Variants in UBE2T observed in about 807,000 individuals in gnomAD.
The protein encoded by UBE2T is ubiquitin conjugating enzyme E2 T, also known as ubiquitin-conjugating enzyme E2 T.
A neutral mutation model predicts 23.3 loss-of-function variants in UBE2T; 15 were observed. That is an observed-to-expected ratio of 0.64 (90% CI 0.43 to 0.99). UBE2T has a LOEUF of 0.99. Among genes scored for constraint, UBE2T ranks in the 50% least tolerant of loss-of-function variants. The pLI is 0.00. For missense variants in UBE2T, 197 were observed against 234.9 expected, an observed-to-expected ratio of 0.84 and a Z score of 1.05; for synonymous variants, 67 against 78.4, an observed-to-expected ratio of 0.85 and a Z score of 0.77.
chr1:202,335,149 G>T lies in UBE2T; in HGVS notation c.110-91C>A. The stretch of plus-strand genomic sequence containing the variant: ...GCTAATGAGGTCTATGGTCCTAATA[G>T]AGAAACTAGGCCTAGGACAATAATT... On this transcript the variant is annotated intron_variant, in intron 2 of 6. Coordinates refer to ENST00000646651, the MANE Select transcript of UBE2T (RefSeq NM_014176.4). The surrounding 1 kb of genome is among the most constrained non-coding windows in gnomAD (Gnocchi z 4.0). 1 of 1,016,310 alleles carries T rather than the reference G, an allele frequency of 9.8e-7. No individual in the cohort carries two copies. The allele number at this position is 1,016,310 out of a possible 1,614,324, so 63.0% of individuals were successfully genotyped here.
In UBE2T at chr1:202,335,820, T is replaced by C. The variant is rs1654870298; in HGVS notation, c.-64-2A>G. 1 of 1,451,400 alleles carries C rather than the reference T, an allele frequency of 6.9e-7. No individual in the cohort carries two copies. The highest frequency in any genetic ancestry group is 1.8e-5 in the Admixed American group (1 of 57,088). The allele number at this position is 1,451,400 out of a possible 1,614,324, so 89.9% of individuals were successfully genotyped here. A position where few individuals can be genotyped will look rare whatever the true frequency, so the allele number is the denominator to read the frequency against. ...ACACTAAGAGCTGCCTGGGATGCAC[T>C]GGAGGAGAAAAGAGGTGACCATAAA... On this transcript the variant is annotated splice_acceptor_variant, in intron 1 of 6. Coordinates refer to ENST00000646651, the MANE Select transcript of UBE2T (RefSeq NM_014176.4). LOFTEE classifies it low-confidence loss of function (5UTR_SPLICE). The surrounding 1 kb of genome is among the most constrained non-coding windows in gnomAD (Gnocchi z 4.0).
At chr1:202,332,929 A>AAAAAAAAAAAACAAAAAAAAAC (rs762338421) in intron 6 of UBE2T, 81 bp downstream of exon 6, 1 of 458,934 alleles carries the variant, frequency 2.2e-6, no homozygotes, top group Non-Finnish European at 3.1e-6. Flanking sequence ...AAAAAAAAAA[A>AAAAAAAAAAAACAAAAAAAAAC]AAAAAAAAAA....
rs1474483572 is a variant in UBE2T, at chr1:202,338,221, T to A, written c.-64-2403A>T. 3.9e-5 allele frequency among the ~76,000 whole-genome samples: 6 copies of A among 152,046 alleles called. No homozygotes were observed. The East Asian group carries it at 1.2e-3, about 29-fold the overall frequency. On this transcript the variant is annotated intron_variant, in intron 1 of 6. Coordinates refer to ENST00000646651, the MANE Select transcript of UBE2T (RefSeq NM_014176.4). Reference sequence around the variant, plus strand: ...ACTGATACATGTAAATCTAATTGATTTTTTTTTATTTTTTTGAGATGGAGT... The same window carrying A: ...ACTGATACATGTAAATCTAATTGATATTTTTTTATTTTTTTGAGATGGAGT...
chr1:202,333,426 G>A, intron 4 of UBE2T, 24 bp downstream of exon 4: 1 of 1,613,426 alleles, frequency 6.2e-7, no homozygotes, highest in East Asian at 2.2e-5. Flanking sequence ...ATGCTGTAGA[G>A]TCAACCATTT....
At chr1:202,339,130 T>C (rs1267553546) in intron 1 of UBE2T, among the ~76,000 whole-genome samples, 1 of 148,358 alleles carries the variant, frequency 6.7e-6, no homozygotes, top group Non-Finnish European at 1.5e-5. Context: ...CAAGAGATAA[T>C]TTGTTACTAG....
At chr1:202,332,069 AAT>A in intron 6 of UBE2T, 109 bp from the exon 7 acceptor site, 2 of 1,403,970 alleles carry the variant, frequency 1.4e-6, no homozygotes, top group South Asian at 2.7e-5. Flanking sequence ...GCAAGATTTA[AAT>A]ACAGTATTAT....
chr1:202,333,196 A>T, intron 5 of UBE2T, 41 bp downstream of exon 5: 5 of 1,611,458 alleles, frequency 3.1e-6, no homozygotes, highest in Non-Finnish European at 4.2e-6. Context: ...CGGTATAGAC[A>T]AGGTAGGATA....
rs760716803 is a variant in UBE2T at position 202,331,906 on chromosome 1, G to A, written c.523C>T (p.His175Tyr). Residue 175 changes from histidine to tyrosine, a missense_variant, in exon 7 of 7, where the codon CAC becomes TAC. Physicochemically the swap from His to Tyr is moderately conservative, Grantham distance 83. Coordinates refer to ENST00000646651, the MANE Select transcript of UBE2T (RefSeq NM_014176.4). ...NLPEAGDSRV[H>Y]NSTQKRKASQ... ...GCCTTCCTTTTCTGTGTTGAGTTGT[G>A]TACTCTGGAGTCACCAGCCTCTGGT... is the stretch of plus-strand genomic sequence containing the variant. 4 of 1,614,032 alleles carry A rather than the reference G, an allele frequency of 2.5e-6. No individual in the cohort carries two copies. Among genetic ancestry groups the A allele is most frequent in the East Asian group, 2.2e-5 (1 of 44,860 alleles).
chr1:202,333,174 A>C (rs1654804152), intron 5 of UBE2T, 63 bp downstream of exon 5: 4 of 1,604,952 alleles, frequency 2.5e-6, no homozygotes, highest in African/African-American at 2.7e-5. Flanking sequence ...ATCCTCACAC[A>C]GGGAGAGTTA....
chr1:202,334,618 T>TA (rs577635936), intron 3 of UBE2T, among the ~76,000 whole-genome samples: 11 of 152,230 alleles, frequency 7.2e-5, no homozygotes, highest in Non-Finnish European at 1.6e-4. Context: ...AATGGGGAGT[T>TA]AGAGTTTAAT....
At chr1:202,341,577 C>CAA (rs57598991) in intron 1 of UBE2T, among the ~76,000 whole-genome samples, 6,966 of 20,300 alleles carry the variant, frequency 0.34, 2,470 homozygotes, top group South Asian at 0.56. Context: ...GACTCCGTCT[C>CAA]AAAAAAAAAA....
intron 1 of UBE2T, among the ~76,000 whole-genome samples, chr1:202,338,114 TTATC>T (rs1654925508): frequency 6.6e-6 from 1 of 152,194 alleles, no homozygotes; most frequent in South Asian, 2.1e-4. Context: ...CTATAAAGCT[TTATC>T]TAATTTTTGT....
intron 1 of UBE2T, among the ~76,000 whole-genome samples, chr1:202,336,573 C>T (rs915979621): frequency 2.0e-5 from 3 of 152,052 alleles, no homozygotes; most frequent in Non-Finnish European, 4.4e-5. Flanking sequence ...AAATTATAAA[C>T]TCATGAGGCC....
At chr1:202,338,402 G>A (rs913797247) in intron 1 of UBE2T, among the ~76,000 whole-genome samples, 10 of 151,976 alleles carry the variant, frequency 6.6e-5, no homozygotes, top group Non-Finnish European at 1.5e-4. Context: ...TATTTTTTTA[G>A]TAAAGACAGG....
intron 3 of UBE2T, among the ~76,000 whole-genome samples, chr1:202,334,379 A>T (rs1654835896): frequency 6.6e-6 from 1 of 152,160 alleles, no homozygotes; most frequent in African/African-American, 2.4e-5. Context: ...GGCCTACCTG[A>T]GGGTGGAGGG....
At position 202,335,609 on chromosome 1, in the gene UBE2T, G is replaced by C; in HGVS notation, c.109+37C>G. On this transcript the variant is annotated intron_variant, in intron 2 of 6. Coordinates refer to ENST00000646651, the MANE Select transcript of UBE2T (RefSeq NM_014176.4). This position sits in a 1 kb window ranked among gnomAD's most constrained non-coding sequence, Gnocchi z 4.0. The stretch of plus-strand genomic sequence containing the variant: ...TTATTTCAGCACAATCTTCAATAGG[G>C]TCATGACTTTCATCATATACATGAT... 1 of 1,582,274 alleles carries C rather than the reference G, an allele frequency of 6.3e-7. No homozygotes were observed. The highest frequency in any genetic ancestry group is 8.7e-7 in the Non-Finnish European group (1 of 1,152,220).
intron 1 of UBE2T, among the ~76,000 whole-genome samples, chr1:202,340,579 A>G (rs1654980220): frequency 1.3e-5 from 2 of 152,124 alleles, no homozygotes; most frequent in Non-Finnish European, 2.9e-5. Flanking sequence ...TCTTAAATAT[A>G]AAGTATATGG....
At chr1:202,334,314 T>C (rs1654834893) in intron 3 of UBE2T, among the ~76,000 whole-genome samples, 1 of 151,946 alleles carries the variant, frequency 6.6e-6, no homozygotes, top group Admixed American at 6.6e-5. Flanking sequence ...CATTTATAAG[T>C]GGGAGCTAAA....
rs950381854 is a variant in UBE2T at position 202,332,930 on chromosome 1, A to C, written c.468+80T>G. The stretch of plus-strand genomic sequence containing the variant: ...CTCAAAAAAAAAAAAAAAAAAAAAA[A>C]AAAAAAAAAACATTATTTATACATA... On this transcript the variant is annotated intron_variant, in intron 6 of 6. Transcript: ENST00000646651. 1.8e-4 allele frequency: 84 copies of C among 476,232 alleles called. 3 individuals are homozygous for C. The highest frequency in any genetic ancestry group is 1.5e-3 in the African/African-American group (68 of 44,954). 29.5% of individuals were successfully genotyped at this position (476,232 alleles called of 1,614,324 possible).
Sources: allele counts gnomAD v4.1 joint callset (sites outside exome capture counted in the v4.1 genomes callset), GRCh38; gene constraint gnomAD v4.1.1; non-coding constraint Gnocchi (gnomAD v3.1); transcripts MANE v1.5; gene names NCBI Gene and HGNC (gene_info 2026-07-23, HGNC 2026-07-21).